Variants in GABRA1 observed in about 807,000 individuals in gnomAD.
GABRA1 encodes the protein gamma-aminobutyric acid type A receptor subunit alpha1, also known as gamma-aminobutyric acid receptor subunit alpha-1.
In GABRA1, 9 loss-of-function variants were observed where a neutral mutation model predicts 48.9. That is an observed-to-expected ratio of 0.18 (90% CI 0.11 to 0.32). GABRA1 has a LOEUF of 0.32. Among genes scored for constraint, GABRA1 ranks in the 10% least tolerant of loss-of-function variants. GABRA1 has a pLI of 1.00. For synonymous variants in GABRA1, 210 were observed against 198.7 expected, an observed-to-expected ratio of 1.06 and a Z score of -0.48; for missense variants, 285 against 553.8, an observed-to-expected ratio of 0.51 and a Z score of 4.87.
intron 8 of GABRA1, among the ~76,000 whole-genome samples, chr5:161,894,086 AG>A (rs1386181034): frequency 1.3e-5 from 2 of 152,206 alleles, no homozygotes; most frequent in Non-Finnish European, 2.9e-5. Context: ...TTTATCAAAA[AG>A]GACTAAAGTT....
intron 3 of GABRA1, among the ~76,000 whole-genome samples, chr5:161,861,520 G>A (rs1435194526): frequency 1.3e-5 from 2 of 151,700 alleles, no homozygotes; most frequent in Admixed American, 1.3e-4. Context: ...CTGAGTTCTT[G>A]GAATCCCAAA....
intron 4 of GABRA1, among the ~76,000 whole-genome samples, chr5:161,870,481 T>C (rs1303274845): frequency 6.7e-6 from 1 of 148,916 alleles, no homozygotes; most frequent in Non-Finnish European, 1.5e-5. Context: ...GCCAGGAGAA[T>C]AGCTTGACTC....
intron 7 of GABRA1, among the ~76,000 whole-genome samples, chr5:161,883,136 T>A (rs978673970): frequency 6.6e-6 from 1 of 152,204 alleles, no homozygotes; most frequent in Admixed American, 6.5e-5. Context: ...TTATATAGTC[T>A]AGGCTCCACA....
intron 1 of GABRA1, chr5:161,850,468 A>G (rs1029881639): frequency 1.0e-5 from 5 of 477,396 alleles, no homozygotes; most frequent in African/African-American, 2.0e-5. Flanking sequence ...CAACAAGAAG[A>G]GAATAAACCA....
intron 6 of GABRA1, among the ~76,000 whole-genome samples, chr5:161,878,511 T>C (rs762234170): frequency 6.6e-6 from 1 of 152,192 alleles, no homozygotes; most frequent in Non-Finnish European, 1.5e-5. Flanking sequence ...AATAATTTAG[T>C]GGAACAGTCT....
intron 1 of GABRA1, chr5:161,848,949 G>T: frequency 2.2e-6 from 1 of 454,998 alleles, no homozygotes; most frequent in East Asian, 7.0e-5. Context: ...TCCAGTGGAC[G>T]CTGGTGAAAT....
intron 3 of GABRA1, among the ~76,000 whole-genome samples, chr5:161,863,716 T>C (rs1299556618): frequency 6.6e-6 from 1 of 151,976 alleles, no homozygotes; most frequent in African/African-American, 2.4e-5. Context: ...CTTGTTTTCA[T>C]GTCTTTCTGA....
chr5:161,888,249 G>GT (rs1754936275), intron 7 of GABRA1, among the ~76,000 whole-genome samples: 1 of 152,008 alleles, frequency 6.6e-6, no homozygotes, highest in Non-Finnish European at 1.5e-5. Context: ...AGGTGACTTG[G>GT]TTTTTTGTTT....
chr5:161,883,785 A>G (rs1478737603), intron 7 of GABRA1, among the ~76,000 whole-genome samples: 2 of 152,100 alleles, frequency 1.3e-5, no homozygotes, highest in Non-Finnish European at 1.5e-5. Flanking sequence ...CTCTCTTGCT[A>G]TGATTATTAG....
At chr5:161,855,592 A>T (rs576876359) in intron 3 of GABRA1, among the ~76,000 whole-genome samples, 1 of 151,552 alleles carries the variant, frequency 6.6e-6, no homozygotes, top group Non-Finnish European at 1.5e-5. Flanking sequence ...CTAATTTTGT[A>T]TATGATATGT....
intron 6 of GABRA1, among the ~76,000 whole-genome samples, chr5:161,880,804 C>T (rs918242036): frequency 2.6e-5 from 4 of 152,066 alleles, no homozygotes; most frequent in African/African-American, 4.8e-5. Context: ...TTTTTTCAGA[C>T]AGCCTTATTT....
chr5:161,876,091 A>G (rs966882174), intron 6 of GABRA1, among the ~76,000 whole-genome samples: 1 of 152,126 alleles, frequency 6.6e-6, no homozygotes, highest in African/African-American at 2.4e-5. Context: ...TTAATAATGA[A>G]GCCTACACCA....
chr5:161,888,070 A>T (rs1186734488), intron 7 of GABRA1, among the ~76,000 whole-genome samples: 1 of 152,106 alleles, frequency 6.6e-6, no homozygotes, highest in Non-Finnish European at 1.5e-5. Flanking sequence ...TTTGTTTTGC[A>T]ATATATCAGA....
In GABRA1 at chr5:161,886,666, C is replaced by T. The variant is rs372475965; in HGVS notation, c.703+3965C>T. Among the ~76,000 whole-genome samples the T allele has an allele frequency of 1.5e-4, 23 of 152,106 alleles. 1 individual carries two copies. The highest frequency in any genetic ancestry group is 5.3e-4 in the African/African-American group (22 of 41,500). On this transcript the variant is annotated intron_variant, in intron 7 of 9. Coordinates refer to ENST00000393943, the MANE Select transcript of GABRA1 (RefSeq NM_001127644.2). The stretch of plus-strand genomic sequence containing the variant: ...TGTTGCATGTTTGTAGTCCCAGCCA[C>T]TTGGGAGGCCAAGATGGGAGGATCA...
chr5:161,880,063 T>C (rs768693459), intron 6 of GABRA1, among the ~76,000 whole-genome samples: 3 of 152,188 alleles, frequency 2.0e-5, no homozygotes, highest in Admixed American at 6.5e-5. Context: ...CTATCTAATA[T>C]ACAGTTTTGC....
At chr5:161,874,809 A>C (rs1443531220) in intron 5 of GABRA1, among the ~76,000 whole-genome samples, 1 of 152,142 alleles carries the variant, frequency 6.6e-6, no homozygotes, top group Non-Finnish European at 1.5e-5. Context: ...TATGAAGGAC[A>C]TGAATATCAA....
At chr5:161,869,269 A>G (rs1479936709) in intron 4 of GABRA1, among the ~76,000 whole-genome samples, 1 of 152,190 alleles carries the variant, frequency 6.6e-6, no homozygotes, top group East Asian at 1.9e-4. Context: ...CTTACAACAC[A>G]TTAGGCACCA....
At chr5:161,847,359 G>C (rs1446046780), upstream of GABRA1, 1 of 152,152 alleles carries the variant, frequency 6.6e-6, no homozygotes, top group Admixed American at 6.6e-5. Context: ...GAAATGATCG[G>C]AGTGATTTAT....
At chr5:161,873,447 T>G in intron 5 of GABRA1, 110 bp downstream of exon 5, 1 of 890,098 alleles carries the variant, frequency 1.1e-6, no homozygotes, top group Non-Finnish European at 1.8e-6. Context: ...TTCCTTGTTT[T>G]TCAACCTTAA....
Sources: allele counts gnomAD v4.1 joint callset (sites outside exome capture counted in the v4.1 genomes callset), GRCh38; gene constraint gnomAD v4.1.1; transcripts MANE v1.5; gene names NCBI Gene and HGNC (gene_info 2026-07-23, HGNC 2026-07-21).